The following EPHA6 variants were observed in gnomAD, a reference collection of about 807,000 sequenced individuals.
The protein encoded by EPHA6 is ephrin type-A receptor 6.
EPHA6 carries 50 observed loss-of-function variants against 112.0 expected under a neutral mutation model. The ratio of observed to expected loss-of-function variants is 0.45; its 90% CI spans 0.36 to 0.56. EPHA6 has a LOEUF of 0.56. Among genes scored for constraint, EPHA6 ranks in the 20% least tolerant of loss-of-function variants. The pLI is 0.00. For missense variants in EPHA6, 1,280 were observed against 1,417.4 expected, an observed-to-expected ratio of 0.90 and a Z score of 1.56; for synonymous variants, 529 against 490.7, an observed-to-expected ratio of 1.08 and a Z score of -1.03.
intron 5 of EPHA6, among the ~76,000 whole-genome samples, chr3:97,374,423 T>G (rs1181176411): frequency 2.0e-5 from 3 of 152,174 alleles, no homozygotes; most frequent in Non-Finnish European, 2.9e-5. Context: ...TGCACTAATC[T>G]TAATATTCTC....
intron 5 of EPHA6, among the ~76,000 whole-genome samples, chr3:97,357,111 G>A (rs1360458741): frequency 6.6e-6 from 1 of 152,100 alleles, no homozygotes; most frequent in African/African-American, 2.4e-5. Flanking sequence ...TCTCTTTTGG[G>A]TAACAGTTGC....
At chr3:97,050,995 G>A (rs1483536516) in intron 3 of EPHA6, among the ~76,000 whole-genome samples, 1 of 152,040 alleles carries the variant, frequency 6.6e-6, no homozygotes, top group African/African-American at 2.4e-5. Context: ...TTTTGAATGA[G>A]GCTTCTATTG....
At chr3:97,439,546 GTT>G (rs2090028177) in intron 6 of EPHA6, 8 of 759,904 alleles carry the variant, frequency 1.1e-5, no homozygotes, top group Admixed American at 6.1e-5. Flanking sequence ...AACTCTGTTG[GTT>G]GCCAACAACA....
At chr3:97,242,345 A>G (rs1400324522) in intron 4 of EPHA6, among the ~76,000 whole-genome samples, 3 of 151,810 alleles carry the variant, frequency 2.0e-5, no homozygotes, top group African/African-American at 7.2e-5. Context: ...GATCTTTCTG[A>G]ACAAGAATGG....
chr3:97,324,698 C>T (rs1170516824), intron 5 of EPHA6, among the ~76,000 whole-genome samples: 2 of 151,772 alleles, frequency 1.3e-5, no homozygotes, highest in Non-Finnish European at 2.9e-5. Flanking sequence ...GCCACCACGC[C>T]CAGCTCATTT....
chr3:97,187,027 T>C (rs904843970), intron 3 of EPHA6, among the ~76,000 whole-genome samples: 3 of 152,134 alleles, frequency 2.0e-5, no homozygotes, highest in Non-Finnish European at 4.4e-5. Flanking sequence ...TTATAACCAA[T>C]TTCTGTAATA....
intron 3 of EPHA6, among the ~76,000 whole-genome samples, chr3:97,117,650 C>T (rs574685918): frequency 2.6e-5 from 4 of 151,730 alleles, no homozygotes; most frequent in African/African-American, 9.6e-5. Flanking sequence ...TATTTCTGAG[C>T]TCGCTGTTGT....
intron 3 of EPHA6, among the ~76,000 whole-genome samples, chr3:97,053,357 T>C (rs918020287): frequency 2.0e-5 from 3 of 152,156 alleles, no homozygotes; most frequent in South Asian, 4.1e-4. Context: ...TCAGATGTAG[T>C]ACATGGGAAC....
At chr3:97,703,242 C>T (rs1264093131) in intron 14 of EPHA6, among the ~76,000 whole-genome samples, 1 of 152,052 alleles carries the variant, frequency 6.6e-6, no homozygotes, top group Admixed American at 6.6e-5. Flanking sequence ...AAAAGTCTAC[C>T]CAAGACTAAC....
rs1326408322 is a variant in EPHA6 at position 97,226,376 on chromosome 3, T to A, written c.1227T>A (p.Gly409=). ...EATSVCQCEK[G]YFRAEKDPPS... Reference sequence around the variant, plus strand: ...CTTCTGTCTGTCAGTGTGAAAAGGGTTATTTCCGAGCTGAAAAAGACCCAC... The same window carrying A: ...CTTCTGTCTGTCAGTGTGAAAAGGGATATTTCCGAGCTGAAAAAGACCCAC... Residue 409 remains glycine, a synonymous_variant, in exon 4 of 18, where the codon GGT becomes GGA. Coordinates refer to ENST00000389672, the MANE Select transcript of EPHA6 (RefSeq NM_001080448.3). 6.2e-7 allele frequency: 1 copy of A among 1,613,638 alleles called. No individual in the cohort carries two copies.
chr3:96,871,961 A>G (rs1218567765), intron 2 of EPHA6, among the ~76,000 whole-genome samples: 1 of 152,016 alleles, frequency 6.6e-6, no homozygotes, highest in Non-Finnish European at 1.5e-5. Context: ...TAGAATTTGA[A>G]GGCCAGTGTG....
At chr3:97,317,731 T>C (rs1468280630) in intron 5 of EPHA6, among the ~76,000 whole-genome samples, 2 of 151,956 alleles carry the variant, frequency 1.3e-5, no homozygotes. Context: ...TCAGGACCTA[T>C]AGTGGGAGAT....
chr3:97,542,500 G>A (rs2092875532), intron 11 of EPHA6, among the ~76,000 whole-genome samples: 1 of 152,090 alleles, frequency 6.6e-6, no homozygotes, highest in Non-Finnish European at 1.5e-5. Flanking sequence ...ATCATTGTTG[G>A]ACATTTAGGT....
intron 3 of EPHA6, among the ~76,000 whole-genome samples, chr3:97,139,365 TACTC>T (rs1208584150): frequency 6.6e-6 from 1 of 152,138 alleles, no homozygotes; most frequent in East Asian, 1.9e-4. Flanking sequence ...AAGCCACTCT[TACTC>T]ACAAGTACCA....
At chr3:96,856,396 A>T (rs150597029) in intron 1 of EPHA6, among the ~76,000 whole-genome samples, 1 of 152,310 alleles carries the variant, frequency 6.6e-6, no homozygotes, top group East Asian at 1.9e-4. Flanking sequence ...CTATAGAATC[A>T]GAATTTTACT....
At chr3:97,091,042 G>A (rs1221798761) in intron 3 of EPHA6, among the ~76,000 whole-genome samples, 16 of 152,012 alleles carry the variant, frequency 1.1e-4, no homozygotes, top group Admixed American at 9.9e-4. Context: ...AATTCTATGT[G>A]TATTAATTTT....
intron 5 of EPHA6, among the ~76,000 whole-genome samples, chr3:97,313,513 G>A (rs1466653906): frequency 6.6e-6 from 1 of 151,468 alleles, no homozygotes; most frequent in African/African-American, 2.4e-5. Context: ...TTGTACAAGG[G>A]TTCCTTTTTT....
chr3:96,858,525 G>C (rs77533413), intron 1 of EPHA6, among the ~76,000 whole-genome samples: 6,249 of 152,056 alleles, frequency 0.041, 386 homozygotes, highest in African/African-American at 0.13. Flanking sequence ...CGTGATATTA[G>C]GTATGCCATG....
chr3:97,611,192 A>G (rs1015987352), intron 13 of EPHA6, among the ~76,000 whole-genome samples: 2 of 151,778 alleles, frequency 1.3e-5, no homozygotes, highest in Non-Finnish European at 2.9e-5. Context: ...GCTTTATCAC[A>G]TTTAACTATG....
Sources: gnomAD v4.1 joint callset for allele counts (sites outside exome capture counted in the v4.1 genomes callset) on GRCh38, gnomAD v4.1.1 for gene constraint, MANE v1.5 for transcripts, NCBI Gene and HGNC (gene_info 2026-07-23, HGNC 2026-07-21) for gene names.